INO80D: variants seen among roughly 807,000 people sequenced by gnomAD.
The protein encoded by INO80D is INO80 complex subunit D.
In INO80D, 21 loss-of-function variants were observed where a neutral mutation model predicts 87.6. The ratio of observed to expected loss-of-function variants is 0.24; its 90% CI spans 0.17 to 0.35. The LOEUF (loss-of-function observed/expected upper bound fraction) is 0.35, where lower values mean the gene tolerates loss of function less well. Ranked by LOEUF, INO80D falls within the 10% of genes least tolerant of loss-of-function variation. The pLI is 1.00. For missense variants in INO80D, 982 were observed against 1,280.7 expected (o/e 0.77, Z 3.56); for synonymous variants, 440 against 491.0 (o/e 0.90, Z 1.37).
At chr2:206,006,066 A>G (rs1014047561) in intron 10 of INO80D, among the ~76,000 whole-genome samples, 2 of 152,142 alleles carry the variant, frequency 1.3e-5, no homozygotes. Context: ...TTCACGGGTT[A>G]TCTTTCAAAA....
At chr2:206,023,091 C>A (rs1303405347) in intron 6 of INO80D, among the ~76,000 whole-genome samples, 1 of 152,026 alleles carries the variant, frequency 6.6e-6, no homozygotes, top group East Asian at 1.9e-4. Flanking sequence ...ATCCCAGCTA[C>A]TTGGGAGGTT....
At chr2:206,080,886 G>A (rs1690261392) in intron 1 of INO80D, among the ~76,000 whole-genome samples, 1 of 109,462 alleles carries the variant, frequency 9.1e-6, no homozygotes, top group African/African-American at 3.5e-5. Flanking sequence ...CTGGGCGACA[G>A]AGTGAGACTC....
intron 1 of INO80D, among the ~76,000 whole-genome samples, chr2:206,080,396 C>G (rs1203958173): frequency 6.6e-6 from 1 of 152,172 alleles, no homozygotes; most frequent in Non-Finnish European, 1.5e-5. Flanking sequence ...CCTCGGTGTA[C>G]TTACTATACC....
At chr2:206,064,341 G>A (rs1221364382) in intron 1 of INO80D, among the ~76,000 whole-genome samples, 1 of 152,128 alleles carries the variant, frequency 6.6e-6, no homozygotes, top group Non-Finnish European at 1.5e-5. Flanking sequence ...GCCAAGTCAG[G>A]ATCTTAGTGA....
At chr2:206,031,755 C>T (rs943314892) in intron 5 of INO80D, among the ~76,000 whole-genome samples, 3 of 152,244 alleles carry the variant, frequency 2.0e-5, no homozygotes, top group African/African-American at 7.2e-5. Flanking sequence ...TGAATTTTAT[C>T]TCCAGAACAA....
intron 7 of INO80D, among the ~76,000 whole-genome samples, chr2:206,018,903 TAAAC>T (rs1223904279): frequency 1.3e-5 from 2 of 152,156 alleles, no homozygotes; most frequent in African/African-American, 2.4e-5. Context: ...ATCCTGCCTC[TAAAC>T]AAACAAACAT....
At chr2:206,075,995 T>A (rs1262957796) in intron 1 of INO80D, among the ~76,000 whole-genome samples, 1 of 145,526 alleles carries the variant, frequency 6.9e-6, no homozygotes, top group African/African-American at 2.6e-5. Flanking sequence ...GAGGTTGCAG[T>A]AAGCCAAGAT....
chr2:206,032,758 A>G (rs1387119648), intron 5 of INO80D, among the ~76,000 whole-genome samples: 2 of 152,236 alleles, frequency 1.3e-5, no homozygotes, highest in African/African-American at 4.8e-5. Flanking sequence ...CGTTTTTCAG[A>G]CAAACAAATG....
chr2:206,044,106 T>C (rs894879080), intron 5 of INO80D, among the ~76,000 whole-genome samples: 1 of 152,026 alleles, frequency 6.6e-6, no homozygotes, highest in African/African-American at 2.4e-5. Context: ...GGCAGGAGGA[T>C]TGTTTGAGCC....
At chr2:206,055,890 T>G (rs1360078809) in intron 4 of INO80D, among the ~76,000 whole-genome samples, 2 of 152,242 alleles carry the variant, frequency 1.3e-5, no homozygotes, top group Admixed American at 1.3e-4. Context: ...CTAGAGATGA[T>G]TTAAAGAATA....
At chr2:206,039,227 G>A (rs186285371) in intron 5 of INO80D, among the ~76,000 whole-genome samples, 4 of 151,738 alleles carry the variant, frequency 2.6e-5, no homozygotes, top group East Asian at 2.0e-4. Flanking sequence ...GAAAAACCCC[G>A]TCTCTACTAA....
chr2:206,062,321 T>C lies in INO80D; in HGVS notation c.218+478A>G, dbSNP rs909168606. Among the ~76,000 whole-genome samples, 4 of 152,202 alleles carry C rather than the reference T, an allele frequency of 2.6e-5. No homozygotes were observed. Among genetic ancestry groups the C allele is most frequent in the African/African-American group, 9.6e-5 (4 of 41,456 alleles). On this transcript the variant is annotated intron_variant, in intron 3 of 10. Transcript: ENST00000403263. The surrounding 1 kb of genome is among the most constrained non-coding windows in gnomAD (Gnocchi z 4.6). ...TCTTCAGTAAGTATATATCCTTTAC[T>C]AACTTCTAGGCATAGATTTTAAACT...
chr2:206,083,660 CAT>C (rs1486274677), intron 1 of INO80D, among the ~76,000 whole-genome samples: 1 of 152,244 alleles, frequency 6.6e-6, no homozygotes, highest in South Asian at 2.1e-4. Flanking sequence ...AGAAGAATCA[CAT>C]GAGTCTCATT....
intron 5 of INO80D, among the ~76,000 whole-genome samples, chr2:206,044,063 C>T (rs1435942117): frequency 6.6e-6 from 1 of 152,040 alleles, no homozygotes; most frequent in African/African-American, 2.4e-5. Flanking sequence ...TGTGGTGGTG[C>T]ACACCTGTAG....
intron 4 of INO80D, among the ~76,000 whole-genome samples, chr2:206,052,685 G>C (rs1262882562): frequency 6.6e-6 from 1 of 151,970 alleles, no homozygotes; most frequent in Non-Finnish European, 1.5e-5. Context: ...CCAGTGACTT[G>C]GGAAGCTGAG....
At chr2:206,019,264 G>A (rs1047067836) in intron 7 of INO80D, among the ~76,000 whole-genome samples, 1 of 152,092 alleles carries the variant, frequency 6.6e-6, no homozygotes, top group African/African-American at 2.4e-5. Context: ...TTCTTTCCTA[G>A]GCAGTGATGT....
At chr2:206,044,481 T>TTAAA (rs1174409294) in intron 5 of INO80D, among the ~76,000 whole-genome samples, 1 of 112,542 alleles carries the variant, frequency 8.9e-6, no homozygotes, top group Non-Finnish European at 1.8e-5. Flanking sequence ...AAATACCTGT[T>TTAAA]AAAAAAAAAA....
intron 1 of INO80D, among the ~76,000 whole-genome samples, chr2:206,074,854 G>A (rs375617977): frequency 5.3e-5 from 8 of 151,810 alleles, no homozygotes; most frequent in South Asian, 4.2e-4. Context: ...CAGGAGAATC[G>A]CTTAAACCCA....
At position 206,002,388 on chromosome 2, in the gene INO80D, A is replaced by G. The variant is rs912220063; in HGVS notation, c.*1980T>C. ...ACCAAATATAATTTTGCTTTATGACATAAGTTATAATTTAGAAATTTTGCA... is the reference window on the plus strand; with the variant it reads ...ACCAAATATAATTTTGCTTTATGACGTAAGTTATAATTTAGAAATTTTGCA... On this transcript the variant is annotated 3_prime_UTR_variant, in exon 11 of 11. Transcript: ENST00000403263. The G allele has an allele frequency of 3.9e-5, 6 of 152,250 alleles. No individual in the cohort carries two copies. Among genetic ancestry groups the G allele is most frequent in the African/African-American group, 1.4e-4 (6 of 41,470 alleles). 9.4% of individuals were successfully genotyped at this position (152,250 alleles called of 1,614,324 possible).
Sources: gnomAD v4.1 joint callset for allele counts (sites outside exome capture counted in the v4.1 genomes callset) on GRCh38, gnomAD v4.1.1 for gene constraint, Gnocchi (gnomAD v3.1) non-coding constraint, MANE v1.5 for transcripts, NCBI Gene and HGNC (gene_info 2026-07-23, HGNC 2026-07-21) for gene names.